The following C1GALT1 variants were observed in gnomAD, a reference collection of about 807,000 sequenced individuals.
C1GALT1 encodes glycoprotein-N-acetylgalactosamine 3-beta-galactosyltransferase 1.
C1GALT1 carries 11 observed loss-of-function variants against 31.0 expected under a neutral mutation model. The ratio of observed to expected loss-of-function variants is 0.36; its 90% CI spans 0.22 to 0.59. The LOEUF is 0.59. Among genes scored for constraint, C1GALT1 ranks in the 20% least tolerant of loss-of-function variants. C1GALT1 has a pLI of 0.79. For synonymous variants in C1GALT1, 175 were observed against 143.6 expected (o/e 1.22, Z -1.56); for missense variants, 424 against 425.2 (o/e 1.00, Z 0.03).
rs773585975 is a variant in C1GALT1 at position 7,238,236 on chromosome 7, A to G, written c.221-19A>G. 5 of 1,552,220 alleles carry G rather than the reference A, an allele frequency of 3.2e-6. No individual in the cohort carries two copies. In the African/African-American group the frequency reaches 6.9e-5, roughly 22 times the overall value. ...TTTACATCTATGTAAATAACCTTTT[A>G]AAATGTTTTGTTTAATAGATGAGAA... On this transcript the variant is annotated intron_variant, in intron 2 of 3. Coordinates refer to ENST00000436587, the MANE Select transcript of C1GALT1 (RefSeq NM_020156.5). This position sits in a 1 kb window ranked among gnomAD's most constrained non-coding sequence, Gnocchi z 5.2.
upstream of C1GALT1, among the ~76,000 whole-genome samples, chr7:7,180,755 C>T (rs992539546): frequency 2.6e-5 from 4 of 152,120 alleles, no homozygotes; most frequent in South Asian, 6.2e-4. Flanking sequence ...CTGGGTGCCA[C>T]AGCCTGTGCC....
At chr7:7,226,136 C>T (rs1384434421) in intron 1 of C1GALT1, among the ~76,000 whole-genome samples, 1 of 152,036 alleles carries the variant, frequency 6.6e-6, no homozygotes, top group African/African-American at 2.4e-5. Flanking sequence ...CATGGTACCT[C>T]ACATGTACTA....
intron 2 of C1GALT1, among the ~76,000 whole-genome samples, chr7:7,170,621 A>T (rs1780443274): frequency 6.6e-6 from 1 of 152,090 alleles, no homozygotes; most frequent in Non-Finnish European, 1.5e-5. Flanking sequence ...CATCTCTACT[A>T]AAAATATGAA....
intron 1 of C1GALT1, among the ~76,000 whole-genome samples, chr7:7,220,488 C>G (rs1782460678): frequency 6.6e-6 from 1 of 152,118 alleles, no homozygotes; most frequent in Admixed American, 6.6e-5. Flanking sequence ...GAGCATTGAT[C>G]TAAACAAAAT....
intron 1 of C1GALT1, among the ~76,000 whole-genome samples, chr7:7,212,819 A>G (rs55703699): frequency 0.28 from 42,069 of 152,004 alleles, 6,335 homozygotes; most frequent in East Asian, 0.42. Flanking sequence ...GAATGTTACA[A>G]AGTACATTCA....
intron 1 of C1GALT1, among the ~76,000 whole-genome samples, chr7:7,200,448 A>G (rs1416436390): frequency 6.6e-6 from 1 of 151,204 alleles, no homozygotes; most frequent in Non-Finnish European, 1.5e-5. Context: ...GAGTAACCTG[A>G]CCTTTCAGTC....
chr7:7,210,280 G>C (rs1003857944), intron 1 of C1GALT1, among the ~76,000 whole-genome samples: 2 of 152,062 alleles, frequency 1.3e-5, no homozygotes, highest in Non-Finnish European at 2.9e-5. Flanking sequence ...TGGAGACTTG[G>C]GGAGCTTGAT....
At chr7:7,175,862 G>C (rs1208137428) in intron 2 of C1GALT1, among the ~76,000 whole-genome samples, 1 of 151,930 alleles carries the variant, frequency 6.6e-6, no homozygotes, top group Admixed American at 6.6e-5. Flanking sequence ...TTACATAATG[G>C]GGAGAGAGAA....
At chr7:7,233,534 G>T (rs1218574630) in intron 1 of C1GALT1, among the ~76,000 whole-genome samples, 1 of 152,098 alleles carries the variant, frequency 6.6e-6, no homozygotes, top group Non-Finnish European at 1.5e-5. Context: ...TGGCCTCCCA[G>T]AGTGCTGGGA....
chr7:7,199,876 T>G (rs1039356985), intron 1 of C1GALT1, among the ~76,000 whole-genome samples: 1 of 152,220 alleles, frequency 6.6e-6, no homozygotes, highest in Non-Finnish European at 1.5e-5. Flanking sequence ...TGCTTTTTTT[T>G]GTTTTCCATT....
chr7:7,183,468 A>G, intron 1 of C1GALT1: 1 of 397,324 alleles, frequency 2.5e-6, no homozygotes, highest in Non-Finnish European at 3.4e-6. Context: ...GTGTTGGGGC[A>G]TTCGGGGCAT....
intron 1 of C1GALT1, among the ~76,000 whole-genome samples, chr7:7,189,008 AT>A (rs1424926782): frequency 6.6e-6 from 1 of 152,106 alleles, no homozygotes; most frequent in Non-Finnish European, 1.5e-5. Flanking sequence ...ATTTTCTTTC[AT>A]TTGTTTAGGT....
At chr7:7,204,043 A>G (rs1781626382) in intron 1 of C1GALT1, among the ~76,000 whole-genome samples, 1 of 148,054 alleles carries the variant, frequency 6.8e-6, no homozygotes, top group Admixed American at 6.7e-5. Context: ...TGGCTTTGGT[A>G]TCAGGGTAAT....
intron 2 of C1GALT1, among the ~76,000 whole-genome samples, chr7:7,171,842 A>C (rs1191604082): frequency 6.6e-6 from 1 of 152,158 alleles, no homozygotes; most frequent in Admixed American, 6.5e-5. Flanking sequence ...CTTAACTTCA[A>C]AAACATTTAA....
Position 7,207,158 on chromosome 7 carries a change from C to G in C1GALT1, c.-18+24338C>G, listed in dbSNP as rs143767627. On this transcript the variant is annotated intron_variant, in intron 1 of 3. Coordinates refer to ENST00000436587, the MANE Select transcript of C1GALT1 (RefSeq NM_020156.5). ...GCCGTTTTTCTTTGTTTTCCTAAGA[C>G]TCAATAATTTCAATTGTTCTCTCTT... is the stretch of plus-strand genomic sequence containing the variant. Among the ~76,000 whole-genome samples the G allele has an allele frequency of 4.9e-3, 748 of 152,128 alleles. 2 individuals are homozygous for G. The highest frequency in any genetic ancestry group is 8.1e-3 in the Non-Finnish European group (553 of 67,976).
In C1GALT1 at chr7:7,246,073, C is replaced by T. The variant is rs1783831365; in HGVS notation, c.*2346C>T. The T allele has an allele frequency of 6.6e-6, 1 of 152,090 alleles. No homozygotes were observed. The highest frequency in any genetic ancestry group is 1.5e-5 in the Non-Finnish European group (1 of 68,008). The allele number at this position is 152,090 out of a possible 1,614,324, so 9.4% of individuals were successfully genotyped here. ...TAAGTGAATGAAAAATTTGCTTTGA[C>T]CAGATACTGAAGGAAATAAGTAATA... is the stretch of plus-strand genomic sequence containing the variant. On this transcript the variant is annotated 3_prime_UTR_variant, in exon 4 of 4. Transcript: ENST00000436587.
At chr7:7,167,810 T>C (rs1780414709) in intron 2 of C1GALT1, among the ~76,000 whole-genome samples, 1 of 152,128 alleles carries the variant, frequency 6.6e-6, no homozygotes, top group Admixed American at 6.6e-5. Flanking sequence ...TCTCACCCTC[T>C]CTTTTCCTAC....
At chr7:7,192,999 ATTGT>A (rs1248885021) in intron 1 of C1GALT1, among the ~76,000 whole-genome samples, 1 of 150,756 alleles carries the variant, frequency 6.6e-6, no homozygotes, top group African/African-American at 2.4e-5. Context: ...TTTTGATGGG[ATTGT>A]TTGTTTTTTT....
intron 2 of C1GALT1, among the ~76,000 whole-genome samples, chr7:7,176,067 C>T (rs970618238): frequency 6.6e-6 from 1 of 152,158 alleles, no homozygotes; most frequent in South Asian, 2.1e-4. Flanking sequence ...CCATACCTTA[C>T]ATTATACATC....
Sources: gnomAD v4.1 joint callset for allele counts (sites outside exome capture counted in the v4.1 genomes callset) on GRCh38, gnomAD v4.1.1 for gene constraint, Gnocchi (gnomAD v3.1) non-coding constraint, MANE v1.5 for transcripts, NCBI Gene and HGNC (gene_info 2026-07-23, HGNC 2026-07-21) for gene names.